RAB38: variants seen among roughly 807,000 people sequenced by gnomAD.
RAB38 encodes the protein RAB38, member RAS oncogene family, also known as ras-related protein Rab-38.
A neutral mutation model predicts 18.4 loss-of-function variants in RAB38; 15 were observed. The ratio of observed to expected loss-of-function variants is 0.82; its 90% CI spans 0.55 to 1.26. RAB38 has a LOEUF of 1.26. Among genes scored for constraint, RAB38 ranks in the 50% most tolerant of loss-of-function variants. RAB38 has a pLI of 0.00. For synonymous variants in RAB38, 101 were observed against 104.4 expected, an observed-to-expected ratio of 0.97 and a Z score of 0.20; for missense variants, 294 against 267.4, an observed-to-expected ratio of 1.10 and a Z score of -0.69.
At chr11:87,921,828 A>C in the RAB38 span, among the ~76,000 whole-genome samples, 1 of 151,842 alleles carries the variant, frequency 6.6e-6, no homozygotes, top group South Asian at 2.1e-4. Context: ...TTATTTCAAC[A>C]AAACTGTAAG....
At chr11:88,069,228 G>C in the RAB38 span, among the ~76,000 whole-genome samples, 3 of 152,206 alleles carry the variant, frequency 2.0e-5, no homozygotes, top group African/African-American at 7.2e-5. Flanking sequence ...GGGTCCCCCA[G>C]CACTGCCAGC....
At chr11:87,971,677 C>A in the RAB38 span, among the ~76,000 whole-genome samples, 2 of 152,120 alleles carry the variant, frequency 1.3e-5, no homozygotes, top group Admixed American at 6.6e-5. Context: ...TGATGCTAGA[C>A]AGAGGCATAA....
At chr11:87,833,558 A>C in the RAB38 span, among the ~76,000 whole-genome samples, 5 of 152,194 alleles carry the variant, frequency 3.3e-5, no homozygotes, top group Non-Finnish European at 7.3e-5. Flanking sequence ...TAAACACAGC[A>C]CTTACTTTAT....
the RAB38 span, among the ~76,000 whole-genome samples, chr11:87,865,139 A>C: frequency 6.6e-6 from 1 of 151,696 alleles, no homozygotes; most frequent in East Asian, 1.9e-4. Context: ...GGAAAAGGGA[A>C]GATGAACTTG....
downstream of RAB38, among the ~76,000 whole-genome samples, chr11:88,110,560 T>C (rs992306562): frequency 3.3e-5 from 5 of 152,104 alleles, no homozygotes; most frequent in Non-Finnish European, 7.4e-5. Context: ...GGCTCACTTC[T>C]GTAATCCCAG....
chr11:88,024,147 C>G, the RAB38 span, among the ~76,000 whole-genome samples: 1 of 152,106 alleles, frequency 6.6e-6, no homozygotes, highest in East Asian at 1.9e-4. Context: ...TATTACCCAT[C>G]TGACAAGGGA....
At chr11:87,871,064 G>C in the RAB38 span, among the ~76,000 whole-genome samples, 8 of 151,682 alleles carry the variant, frequency 5.3e-5, no homozygotes, top group East Asian at 1.6e-3. Flanking sequence ...CAAACACTGG[G>C]TTTAATATGT....
the RAB38 span, among the ~76,000 whole-genome samples, chr11:87,903,273 T>G: frequency 6.6e-6 from 1 of 151,588 alleles, no homozygotes; most frequent in South Asian, 2.1e-4. Flanking sequence ...TCTAGGCATA[T>G]TTTTATAAAT....
the RAB38 span, among the ~76,000 whole-genome samples, chr11:88,032,360 C>A: frequency 2.0e-3 from 309 of 152,158 alleles, no homozygotes; most frequent in East Asian, 8.7e-3. Flanking sequence ...CAATGGCAAC[C>A]AAAGCCAAAA....
At chr11:88,143,080 G>A (rs933091657) in intron 2 of RAB38, among the ~76,000 whole-genome samples, 12 of 152,178 alleles carry the variant, frequency 7.9e-5, no homozygotes, top group Non-Finnish European at 1.2e-4. Context: ...AGTGCAATGT[G>A]GTGGTTGGGT....
rs566998226 is a variant in RAB38, at chr11:88,170,424, A to G, written c.202+4759T>C. Among the ~76,000 whole-genome samples, 201 of 152,366 alleles carry G rather than the reference A, an allele frequency of 1.3e-3. 1 individual carries two copies. The highest frequency in any genetic ancestry group is 4.7e-3 in the African/African-American group (195 of 41,584). ...CCATCTTCTACAACTGCTTGAAGAA[A>G]TAGTCTTTCAGAAATCGGTACTAAA... On this transcript the variant is annotated intron_variant, in intron 1 of 2. Transcript: ENST00000243662.
chr11:88,149,636 C>T, intron 2 of RAB38, 39 bp downstream of exon 2: 3 of 1,561,960 alleles, frequency 1.9e-6, no homozygotes, highest in Non-Finnish European at 2.6e-6. Flanking sequence ...TCTTTGTGAA[C>T]CTTGCTTATA....
At chr11:88,118,453 A>C (rs1942586303) in intron 2 of RAB38, among the ~76,000 whole-genome samples, 1 of 152,224 alleles carries the variant, frequency 6.6e-6, no homozygotes, top group African/African-American at 2.4e-5. Flanking sequence ...ATTGCAATAT[A>C]ATTGATTGAG....
chr11:87,949,579 G>A, the RAB38 span, among the ~76,000 whole-genome samples: 7 of 152,046 alleles, frequency 4.6e-5, no homozygotes, highest in South Asian at 4.1e-4. Context: ...CAGAGATTGT[G>A]GTATGTTGTA....
intron 2 of RAB38, among the ~76,000 whole-genome samples, chr11:88,118,264 G>A (rs1001528906): frequency 2.6e-5 from 4 of 152,166 alleles, no homozygotes; most frequent in Non-Finnish European, 5.9e-5. Flanking sequence ...CTGGCACTTC[G>A]AACCATATCT....
the RAB38 span, among the ~76,000 whole-genome samples, chr11:88,089,393 C>CT: frequency 6.7e-6 from 1 of 148,168 alleles, no homozygotes; most frequent in African/African-American, 2.5e-5. Flanking sequence ...TTCAATGCTG[C>CT]TTTTTGTAGC....
the RAB38 span, among the ~76,000 whole-genome samples, chr11:87,861,978 A>C: frequency 6.6e-6 from 1 of 152,104 alleles, no homozygotes; most frequent in South Asian, 2.1e-4. Context: ...ATCTCACACC[A>C]GTCAGGATGG....
chr11:88,062,897 A>G, the RAB38 span, among the ~76,000 whole-genome samples: 1 of 152,232 alleles, frequency 6.6e-6, no homozygotes, highest in Non-Finnish European at 1.5e-5. Context: ...CTTTATTTAA[A>G]TTTATTTAAC....
intron 2 of RAB38, among the ~76,000 whole-genome samples, chr11:88,120,141 T>C (rs989450609): frequency 3.9e-5 from 6 of 152,184 alleles, no homozygotes; most frequent in African/African-American, 1.2e-4. Context: ...TCCCCTAAAC[T>C]GACCTTATGT....
Sources: allele counts gnomAD v4.1 joint callset (sites outside exome capture counted in the v4.1 genomes callset), GRCh38; gene constraint gnomAD v4.1.1; transcripts MANE v1.5; gene names NCBI Gene and HGNC (gene_info 2026-07-23, HGNC 2026-07-21).